Variants in EFCAB6 observed in about 807,000 individuals in gnomAD.
EFCAB6 encodes the protein EF-hand calcium binding domain 6, also known as EF-hand calcium-binding domain-containing protein 6.
EFCAB6 carries 156 observed loss-of-function variants against 169.8 expected under a neutral mutation model. The observed-to-expected ratio is 0.92, with a 90% CI of 0.81 to 1.05. The LOEUF (loss-of-function observed/expected upper bound fraction) is 1.05. Ranked by LOEUF, EFCAB6 falls within the 50% of genes least tolerant of loss-of-function variation. EFCAB6 has a pLI of 0.00. For missense variants in EFCAB6, 1,800 were observed against 1,829.1 expected (o/e 0.98, Z 0.29); for synonymous variants, 698 against 676.4 (o/e 1.03, Z -0.50).
chr22:43,679,018 C>T lies in EFCAB6; in HGVS notation c.1252-855G>A, dbSNP rs576253343. On this transcript the variant is annotated intron_variant, in intron 12 of 31. Transcript: ENST00000262726. ...GAGAGTCATAATCAATTCTTTAATG[C>T]CTAAAGAGAAATCACTGACAGCTAA... 1.6e-4 allele frequency among the ~76,000 whole-genome samples: 25 copies of T among 152,152 alleles called. No homozygotes were observed. In the South Asian group the frequency reaches 5.2e-3, roughly 32 times the overall value.
chr22:43,665,111 TTGAC>T (rs1253964426), intron 17 of EFCAB6, among the ~76,000 whole-genome samples: 4 of 152,140 alleles, frequency 2.6e-5, no homozygotes, highest in Non-Finnish European at 5.9e-5. Flanking sequence ...GTTGTTGTCT[TTGAC>T]TGAGAACAGG....
At chr22:43,672,173 C>G in intron 14 of EFCAB6, 40 bp from the exon 15 acceptor site, 1 of 1,613,832 alleles carries the variant, frequency 6.2e-7, no homozygotes, top group Non-Finnish European at 8.5e-7. Context: ...AGCCATACAT[C>G]TGTAACCTCT....
chr22:43,782,305 G>A lies in EFCAB6; in HGVS notation c.14C>T (p.Ala5Val), dbSNP rs769977848. The A allele has an allele frequency of 3.1e-6, 5 of 1,612,794 alleles. No homozygotes were observed. The highest frequency in any genetic ancestry group is 1.1e-5 in the South Asian group (1 of 90,698). Residue 5 changes from alanine (A) to valine (V), a missense_variant, in exon 3 of 32, where the codon GCG (alanine) becomes GTG (valine). Physicochemically the swap from Ala to Val is moderately conservative, Grantham distance 64. Coordinates refer to ENST00000262726, the MANE Select transcript of EFCAB6 (RefSeq NM_022785.4). ...CGACCTAAGCCAGTCTGGTATAATC[G>A]CCATTTTGCACATTAAATCCCTGTG... The part of the protein sequence containing the change: MCKM[A>V]IIPDWLRSHP...
intron 8 of EFCAB6, among the ~76,000 whole-genome samples, chr22:43,726,645 C>T (rs1002347281): frequency 6.6e-6 from 1 of 152,204 alleles, no homozygotes; most frequent in Admixed American, 6.5e-5. Flanking sequence ...AGGCCTCCCA[C>T]AGTGGCCAGA....
chr22:43,596,486 A>G (rs2052018285), intron 23 of EFCAB6, among the ~76,000 whole-genome samples: 1 of 152,064 alleles, frequency 6.6e-6, no homozygotes, highest in African/African-American at 2.4e-5. Flanking sequence ...AAATAAAGCA[A>G]TCTCATTTAC....
chr22:43,755,622 CAGA>C lies in EFCAB6; in HGVS notation c.507+141_507+143del, dbSNP rs1362032119. On this transcript the variant is annotated intron_variant, in intron 6 of 31. Coordinates refer to ENST00000262726, the MANE Select transcript of EFCAB6 (RefSeq NM_022785.4). Reference sequence around the variant, plus strand: ...ACAAGCTTTCGCACTGGCTTGTTATCAGAAGATCTATTTAGTCAGACAACTATG... The same window carrying C: ...ACAAGCTTTCGCACTGGCTTGTTATCAGATCTATTTAGTCAGACAACTATG... The C allele has an allele frequency of 6.8e-6, 5 of 735,326 alleles. No individual in the cohort carries two copies. In the African/African-American group the frequency reaches 7.2e-5, roughly 11 times the overall value. 45.6% of individuals were successfully genotyped at this position (735,326 alleles called of 1,614,324 possible).
intron 10 of EFCAB6, among the ~76,000 whole-genome samples, chr22:43,700,528 G>A (rs1381234524): frequency 1.3e-5 from 2 of 152,262 alleles, no homozygotes; most frequent in East Asian, 3.9e-4. Context: ...GTGTACAGTT[G>A]TATGAGTTTA....
rs1169068552 is a variant in EFCAB6 at position 43,600,100 on chromosome 22, G to A, written c.2845C>T (p.Gln949Ter). 8 of 1,613,922 alleles carry A rather than the reference G, an allele frequency of 5.0e-6. No individual in the cohort carries two copies. Among genetic ancestry groups the A allele is most frequent in the Non-Finnish European group, 6.8e-6 (8 of 1,180,014 alleles). ...GCCACAGCCTTCTCTGTGCTCTGCT[G>A]CAGCTCCTTCATCTCTTCCTGTAGC... ...QQLQEEMKEL[Q>*]QSTEKAVAAR... Residue 949 changes from glutamine to a stop codon, truncating the protein, a stop_gained, in exon 23 of 32, where the codon CAG becomes TAG. Coordinates refer to ENST00000262726, the MANE Select transcript of EFCAB6 (RefSeq NM_022785.4). LOFTEE classifies it high-confidence loss of function.
At chr22:43,732,219 G>C (rs1216862360) in intron 7 of EFCAB6, among the ~76,000 whole-genome samples, 5 of 152,082 alleles carry the variant, frequency 3.3e-5, no homozygotes, top group Non-Finnish European at 1.5e-5. Flanking sequence ...AAATGAGTCA[G>C]CCAGCACAAA....
intron 2 of EFCAB6, among the ~76,000 whole-genome samples, chr22:43,806,185 G>GAGGGGA (rs144483647): frequency 4.6e-4 from 62 of 135,698 alleles, no homozygotes; most frequent in African/African-American, 1.4e-3. Context: ...GAGGAGAGGA[G>GAGGGGA]GGGGAGGGGA....
At chr22:43,784,517 GT>G (rs2061948481) in intron 2 of EFCAB6, among the ~76,000 whole-genome samples, 1 of 119,130 alleles carries the variant, frequency 8.4e-6, no homozygotes, top group Non-Finnish European at 1.7e-5. Context: ...ATATATGTGT[GT>G]GTGTGTGTGT....
intron 8 of EFCAB6, among the ~76,000 whole-genome samples, chr22:43,724,659 C>T (rs995687455): frequency 2.6e-5 from 4 of 152,166 alleles, no homozygotes; most frequent in Non-Finnish European, 5.9e-5. Context: ...CATGAGCCAC[C>T]GTGCCCTGCC....
chr22:43,739,867 C>T (rs1391888584), intron 6 of EFCAB6, among the ~76,000 whole-genome samples: 1 of 152,020 alleles, frequency 6.6e-6, no homozygotes, highest in East Asian at 1.9e-4. Context: ...ACGAAGCAGC[C>T]AAGGAGTTTA....
chr22:43,759,712 T>C (rs200551657), intron 5 of EFCAB6: 1 of 152,250 alleles, frequency 6.6e-6, no homozygotes, highest in East Asian at 1.9e-4. Context: ...TTTTAAAATA[T>C]GATTCCAGGT....
chr22:43,541,262 G>C (rs1311628577), intron 27 of EFCAB6, among the ~76,000 whole-genome samples: 1 of 152,242 alleles, frequency 6.6e-6, no homozygotes, highest in Non-Finnish European at 1.5e-5. Context: ...AAGCAAATTA[G>C]AGTGACTGTC....
At chr22:43,730,049 A>T (rs1037967087) in intron 8 of EFCAB6, among the ~76,000 whole-genome samples, 1 of 150,006 alleles carries the variant, frequency 6.7e-6, no homozygotes, top group African/African-American at 2.5e-5. Flanking sequence ...CTGTGGTCCC[A>T]GTTACTTGGG....
At chr22:43,747,821 G>A (rs746508235) in intron 6 of EFCAB6, among the ~76,000 whole-genome samples, 2 of 152,072 alleles carry the variant, frequency 1.3e-5, no homozygotes. Flanking sequence ...AGCCAATAGG[G>A]GTGACTTTCT....
chr22:43,703,662 T>C (rs1006471371), intron 10 of EFCAB6, among the ~76,000 whole-genome samples: 6 of 151,590 alleles, frequency 4.0e-5, no homozygotes, highest in Non-Finnish European at 8.8e-5. Context: ...ATAGAAACAA[T>C]TTTTTTAAAA....
intron 26 of EFCAB6, among the ~76,000 whole-genome samples, chr22:43,569,868 C>T (rs2049728574): frequency 6.6e-6 from 1 of 152,198 alleles, no homozygotes; most frequent in African/African-American, 2.4e-5. Flanking sequence ...GGGTAAATAA[C>T]AGTAATGCTA....
Sources: gnomAD v4.1 joint callset for allele counts (sites outside exome capture counted in the v4.1 genomes callset) on GRCh38, gnomAD v4.1.1 for gene constraint, MANE v1.5 for transcripts, NCBI Gene and HGNC (gene_info 2026-07-23, HGNC 2026-07-21) for gene names.